The following FRMPD2 variants were observed in gnomAD, a reference collection of about 807,000 sequenced individuals.
FRMPD2 encodes the protein FERM and PDZ domain containing 2.
FRMPD2 carries 96 observed loss-of-function variants against 140.1 expected under a neutral mutation model. The observed-to-expected ratio is 0.69, with a 90% CI of 0.58 to 0.81. The LOEUF is 0.81. Ranked by LOEUF, FRMPD2 falls within the 40% of genes least tolerant of loss-of-function variation. The pLI, the probability that FRMPD2 is intolerant of heterozygous loss-of-function variation, is 0.00. For missense variants in FRMPD2, 1,240 were observed against 1,447.4 expected, an observed-to-expected ratio of 0.86 and a Z score of 2.32; for synonymous variants, 449 against 547.6, an observed-to-expected ratio of 0.82 and a Z score of 2.52.
chr10:48,251,618 G>T lies in FRMPD2; in HGVS notation c.99C>A (p.Ile33=), dbSNP rs759417590. The part of the protein sequence containing the change: ...VRGEALSEEE[I]WSLLFLAAEQ... ...CAGCGGCCAGGAACAGGAGGGACCA[G>T]ATTTCCTCCTCAGACAGAGCTTCAC... The change falls in exon 2 of 29, where the codon ATC becomes ATA. Residue 33 remains isoleucine, a synonymous_variant. Coordinates refer to ENST00000374201, the MANE Select transcript of FRMPD2 (RefSeq NM_001018071.4). The T allele has an allele frequency of 6.2e-7, 1 of 1,614,206 alleles. No homozygotes were observed. Among genetic ancestry groups the T allele is most frequent in the Non-Finnish European group, 8.5e-7 (1 of 1,180,012 alleles).
At chr10:48,230,167 A>G (rs1374810852) in intron 10 of FRMPD2, among the ~76,000 whole-genome samples, 3 of 152,216 alleles carry the variant, frequency 2.0e-5, no homozygotes, top group Non-Finnish European at 4.4e-5. Flanking sequence ...GTTTACAACA[A>G]TATAATAAAG....
At position 48,274,538 on chromosome 10, in the gene FRMPD2, A is replaced by C. The variant is rs935839872; in HGVS notation, c.25+5T>G. 6.2e-7 allele frequency: 1 copy of C among 1,614,016 alleles called. No individual in the cohort carries two copies. Among genetic ancestry groups the C allele is most frequent in the Non-Finnish European group, 8.5e-7 (1 of 1,179,870 alleles). On this transcript the variant is annotated splice_donor_5th_base_variant and intron_variant, in intron 1 of 28. Transcript: ENST00000374201. ...AGGAGAAAACTGAATGATGCCAAGG[A>C]ATACCTGCGTCCTTCGTTAAAGGCT... is the stretch of plus-strand genomic sequence containing the variant.
At chr10:48,249,743 G>C (rs1007899230) in intron 2 of FRMPD2, among the ~76,000 whole-genome samples, 1 of 152,214 alleles carries the variant, frequency 6.6e-6, no homozygotes, top group African/African-American at 2.4e-5. Flanking sequence ...CTCAGCATTT[G>C]TTCTGGACCT....
In FRMPD2 at chr10:48,262,561, C is replaced by T. The variant is rs181551170; in HGVS notation, c.26-10870G>A. Among the ~76,000 whole-genome samples, 476 of 152,216 alleles carry T rather than the reference C, an allele frequency of 3.1e-3. 6 individuals are homozygous for T. The highest frequency in any genetic ancestry group is 0.011 in the African/African-American group (437 of 41,546). Reference sequence around the variant, plus strand: ...ATTATACCTGGAGACTTCAGCACCCCTCTATCAGGGATTAACAGATCCAGC... The same window carrying T: ...ATTATACCTGGAGACTTCAGCACCCTTCTATCAGGGATTAACAGATCCAGC... On this transcript the variant is annotated intron_variant, in intron 1 of 28. Coordinates refer to ENST00000374201, the MANE Select transcript of FRMPD2 (RefSeq NM_001018071.4).
intron 14 of FRMPD2, 31 bp from the exon 15 acceptor site, chr10:48,201,415 C>T (rs200425687): frequency 2.4e-4 from 393 of 1,607,634 alleles, no homozygotes; most frequent in Middle Eastern, 1.0e-3. Context: ...CTTTAATACA[C>T]TGATCATCCA....
rs188644664 is a variant in FRMPD2 at position 48,190,305 on chromosome 10, C to G, written c.2165+2379G>C. On this transcript the variant is annotated intron_variant, in intron 16 of 28. Coordinates refer to ENST00000374201, the MANE Select transcript of FRMPD2 (RefSeq NM_001018071.4). ...TCCATCTTGGGAGCCGTCTCCTCCA[C>G]CCCCACTATTCCCACCTTACCCAAA... Among the ~76,000 whole-genome samples the G allele has an allele frequency of 1.1e-4, 16 of 152,276 alleles. 1 individual carries two copies. The highest frequency in any genetic ancestry group is 7.8e-4 in the Admixed American group (12 of 15,298).
chr10:48,238,328 TG>T (rs1840018832), intron 7 of FRMPD2, among the ~76,000 whole-genome samples: 1 of 151,874 alleles, frequency 6.6e-6, no homozygotes, highest in African/African-American at 2.4e-5. Context: ...GCCACTGGGG[TG>T]GGGTGGGGTT....
At chr10:48,255,638 C>A (rs1840474422) in intron 1 of FRMPD2, among the ~76,000 whole-genome samples, 1 of 152,134 alleles carries the variant, frequency 6.6e-6, no homozygotes, top group South Asian at 2.1e-4. Flanking sequence ...TAAAATAATT[C>A]TGTAGAGTGA....
intron 12 of FRMPD2, among the ~76,000 whole-genome samples, chr10:48,221,902 G>A (rs1384575688): frequency 6.6e-6 from 1 of 150,894 alleles, no homozygotes; most frequent in East Asian, 2.0e-4. Flanking sequence ...GGGTGGGTGA[G>A]TGGATGGATG....
intron 8 of FRMPD2, 37 bp downstream of exon 8, chr10:48,237,954 C>T (rs1840007834): frequency 1.9e-6 from 3 of 1,613,580 alleles, no homozygotes; most frequent in Non-Finnish European, 2.5e-6. Context: ...CTGCTCAAGC[C>T]TCCTTGAGGA....
chr10:48,263,245 C>T lies in FRMPD2; in HGVS notation c.25+11298G>A, dbSNP rs530582723. Reference sequence around the variant, plus strand: ...ATCTAAAATTAATAATCTAACCTTCCACCTTTAGTAAACTACAGAAAAAAT... The same window carrying T: ...ATCTAAAATTAATAATCTAACCTTCTACCTTTAGTAAACTACAGAAAAAAT... On this transcript the variant is annotated intron_variant, in intron 1 of 28. Coordinates refer to ENST00000374201, the MANE Select transcript of FRMPD2 (RefSeq NM_001018071.4). Among the ~76,000 whole-genome samples the T allele has an allele frequency of 1.4e-3, 214 of 152,008 alleles. 1 individual carries two copies. The highest frequency in any genetic ancestry group is 2.3e-3 in the Non-Finnish European group (159 of 67,958).
intron 9 of FRMPD2, among the ~76,000 whole-genome samples, chr10:48,234,037 C>T (rs56805036): frequency 0.031 from 4,723 of 152,338 alleles, 99 homozygotes; most frequent in Non-Finnish European, 0.042. Context: ...AGGTACCAAA[C>T]GCATCTCCAT....
chr10:48,198,781 A>G (rs1839011690), intron 15 of FRMPD2, among the ~76,000 whole-genome samples: 1 of 152,138 alleles, frequency 6.6e-6, no homozygotes, highest in African/African-American at 2.4e-5. Flanking sequence ...TTCTCTTTGT[A>G]GAGATTGTTC....
At chr10:48,232,360 G>A in intron 9 of FRMPD2, 71 bp from the exon 10 acceptor site, 1 of 1,115,866 alleles carries the variant, frequency 9.0e-7, no homozygotes, top group Non-Finnish European at 1.3e-6. Context: ...GCTGGTTACT[G>A]TACTAAGCAC....
chr10:48,177,916 C>T (rs1838449662), intron 22 of FRMPD2, 131 bp downstream of exon 22: 1 of 601,866 alleles, frequency 1.7e-6, no homozygotes, highest in Non-Finnish European at 3.1e-6. Context: ...CCCCCACTGG[C>T]TTTTTTATTT....
Position 48,244,770 on chromosome 10 carries a change from T to C in FRMPD2, c.375+14A>G. 6.2e-7 allele frequency: 1 copy of C among 1,605,320 alleles called. No homozygotes were observed. The highest frequency in any genetic ancestry group is 1.1e-5 in the South Asian group (1 of 90,920). ...ACACAGCCCGGCAAGACTTGGAGTA[T>C]CTTGTTTACAAACCTGATGTGGCGG... On this transcript the variant is annotated intron_variant, in intron 4 of 28. Transcript: ENST00000374201.
chr10:48,199,103 G>A (rs953608725), intron 15 of FRMPD2, among the ~76,000 whole-genome samples: 2 of 152,256 alleles, frequency 1.3e-5, no homozygotes, highest in South Asian at 4.1e-4. Context: ...GTGGAGGAAG[G>A]TGAGATGGGT....
At chr10:48,269,950 G>A (rs182523312) in intron 1 of FRMPD2, among the ~76,000 whole-genome samples, 153 of 152,246 alleles carry the variant, frequency 1.0e-3, no homozygotes, top group Non-Finnish European at 2.2e-4. Context: ...CCCTCCTCAG[G>A]CCCTGAGTCA....
At chr10:48,219,356 C>T (rs1012115536) in intron 12 of FRMPD2, among the ~76,000 whole-genome samples, 3 of 151,972 alleles carry the variant, frequency 2.0e-5, no homozygotes, top group African/African-American at 7.3e-5. Flanking sequence ...GTGGTGAGTG[C>T]TCTCCAAGGT....
Sources: gnomAD v4.1 joint callset for allele counts (sites outside exome capture counted in the v4.1 genomes callset) on GRCh38, gnomAD v4.1.1 for gene constraint, MANE v1.5 for transcripts, NCBI Gene and HGNC (gene_info 2026-07-23, HGNC 2026-07-21) for gene names.